Variants in DIP2B observed in about 807,000 individuals in gnomAD.
DIP2B encodes disco-interacting protein 2 homolog B.
DIP2B carries 76 observed loss-of-function variants against 198.0 expected under a neutral mutation model. The observed-to-expected ratio is 0.38, with a 90% CI of 0.32 to 0.46. The LOEUF is 0.46. Among genes scored for constraint, DIP2B ranks in the 20% least tolerant of loss-of-function variants. The pLI is 0.99. For missense variants in DIP2B, 1,559 were observed against 1,978.4 expected, an observed-to-expected ratio of 0.79 and a Z score of 4.02; for synonymous variants, 701 against 739.1, an observed-to-expected ratio of 0.95 and a Z score of 0.84.
chr12:50,570,585 C>G (rs1249219891), intron 1 of DIP2B, among the ~76,000 whole-genome samples: 5 of 152,166 alleles, frequency 3.3e-5, no homozygotes, highest in Non-Finnish European at 7.3e-5. Flanking sequence ...TGGCACATGC[C>G]TGTAATCCCA....
rs1209473808 is a variant in DIP2B at position 50,505,149 on chromosome 12, A to G, written c.9A>G (p.Glu3=). Residue 3 remains glutamate (E), a synonymous_variant, in exon 1 of 38, where the codon GAA becomes GAG. Coordinates refer to ENST00000301180, the MANE Select transcript of DIP2B (RefSeq NM_173602.3). MA[E]RGLEPSPAAV... ...TGGCTGGCGGAGCTGGGATGGCGGA[A>G]CGAGGCCTGGAGCCGTCGCCGGCCG... 3.9e-6 allele frequency: 6 copies of G among 1,529,366 alleles called. No homozygotes were observed. The highest frequency in any genetic ancestry group is 5.2e-6 in the Non-Finnish European group (6 of 1,143,364). 94.7% of individuals were successfully genotyped at this position (1,529,366 alleles called of 1,614,324 possible).
chr12:50,518,745 TTTTTTGTTTG>T (rs141820371), intron 1 of DIP2B, among the ~76,000 whole-genome samples: 88,483 of 151,284 alleles, frequency 0.58, 26,192 homozygotes, highest in South Asian at 0.71. Flanking sequence ...ACTTCTGTCT[TTTTTTGTTTG>T]TTTTTGTTTG....
At chr12:50,671,447 C>T (rs1938852970) in intron 5 of DIP2B, 49 bp downstream of exon 5, 2 of 1,578,248 alleles carry the variant, frequency 1.3e-6, no homozygotes, top group Admixed American at 1.7e-5. Context: ...CCATTTGGCT[C>T]CCAGTATCCA....
chr12:50,540,940 G>A (rs1471967958), intron 1 of DIP2B, among the ~76,000 whole-genome samples: 1 of 152,198 alleles, frequency 6.6e-6, no homozygotes, highest in Non-Finnish European at 1.5e-5. Flanking sequence ...AGGTAGCGCA[G>A]AATCTCTGGA....
chr12:50,607,722 A>G (rs1958995745), intron 1 of DIP2B, among the ~76,000 whole-genome samples: 1 of 152,252 alleles, frequency 6.6e-6, no homozygotes, highest in African/African-American at 2.4e-5. Context: ...TAGTACAGCA[A>G]GCTCTTAGTC....
intron 1 of DIP2B, among the ~76,000 whole-genome samples, chr12:50,556,593 G>T (rs1028392506): frequency 3.4e-5 from 5 of 147,488 alleles, no homozygotes; most frequent in Non-Finnish European, 6.0e-5. Context: ...TCGCCCTGTC[G>T]CCCAGGCTGG....
chr12:50,636,948 A>G (rs913514551), intron 2 of DIP2B, among the ~76,000 whole-genome samples: 10 of 152,164 alleles, frequency 6.6e-5, no homozygotes, highest in African/African-American at 2.4e-4. Flanking sequence ...TCCAGACACT[A>G]GCACTCTCGT....
chr12:50,647,138 C>T (rs911846587), intron 3 of DIP2B, among the ~76,000 whole-genome samples: 1 of 152,060 alleles, frequency 6.6e-6, no homozygotes, highest in African/African-American at 2.4e-5. Context: ...CTCCAACCTC[C>T]GCCTCCTGGG....
At chr12:50,518,612 T>A (rs1281653351) in intron 1 of DIP2B, among the ~76,000 whole-genome samples, 1 of 152,238 alleles carries the variant, frequency 6.6e-6, no homozygotes, top group East Asian at 1.9e-4. Context: ...TCTGTTTGGT[T>A]CTAAGCCCTG....
At chr12:50,643,242 G>C (rs929892447) in intron 3 of DIP2B, among the ~76,000 whole-genome samples, 1 of 152,124 alleles carries the variant, frequency 6.6e-6, no homozygotes, top group African/African-American at 2.4e-5. Flanking sequence ...GCTGTGATCT[G>C]TAGTCCCTGC....
At chr12:50,648,923 A>G (rs1026557456) in intron 3 of DIP2B, among the ~76,000 whole-genome samples, 6 of 152,224 alleles carry the variant, frequency 3.9e-5, no homozygotes, top group Non-Finnish European at 8.8e-5. Context: ...TCAGCAAGAT[A>G]TAAAGCGAGT....
At chr12:50,732,600 G>T in intron 32 of DIP2B, 64 bp downstream of exon 32, 1 of 1,581,944 alleles carries the variant, frequency 6.3e-7, no homozygotes, top group East Asian at 2.3e-5. Context: ...CCCAGAGCAT[G>T]GGCTTTGGAG....
intron 32 of DIP2B, 73 bp from the exon 33 acceptor site, chr12:50,734,058 AAATT>A: frequency 6.5e-7 from 1 of 1,532,798 alleles, no homozygotes; most frequent in Non-Finnish European, 9.0e-7. Context: ...GTATATGGCT[AAATT>A]ATTTCTTGGT....
At chr12:50,655,397 T>C (rs923519212) in intron 3 of DIP2B, among the ~76,000 whole-genome samples, 2 of 152,250 alleles carry the variant, frequency 1.3e-5, no homozygotes, top group African/African-American at 2.4e-5. Context: ...GCAGAAGTGA[T>C]TGTTCGGGTA....
At chr12:50,697,304 A>T in intron 17 of DIP2B, 129 bp downstream of exon 17, 1 of 761,024 alleles carries the variant, frequency 1.3e-6, no homozygotes, top group South Asian at 2.0e-5. Context: ...CATTTTTCCC[A>T]CTCTTGCTCA....
At chr12:50,634,745 A>G (rs776351986) in intron 2 of DIP2B, among the ~76,000 whole-genome samples, 12 of 152,018 alleles carry the variant, frequency 7.9e-5, no homozygotes, top group Non-Finnish European at 1.3e-4. Context: ...GAGGAACATT[A>G]TTTTTTATTT....
chr12:50,556,508 G>A (rs1958472496), intron 1 of DIP2B, among the ~76,000 whole-genome samples: 1 of 151,870 alleles, frequency 6.6e-6, no homozygotes, highest in South Asian at 2.1e-4. Flanking sequence ...CGTTTTACTG[G>A]GAGTTAGAAG....
chr12:50,509,578 A>G (rs1957996638), intron 1 of DIP2B, among the ~76,000 whole-genome samples: 1 of 152,232 alleles, frequency 6.6e-6, no homozygotes, highest in Admixed American at 6.5e-5. Context: ...TGTGGTCCTT[A>G]AAGCATGGCA....
intron 1 of DIP2B, among the ~76,000 whole-genome samples, chr12:50,506,085 TACA>T (rs1957966471): frequency 6.6e-6 from 1 of 152,290 alleles, no homozygotes; most frequent in African/African-American, 2.4e-5. Context: ...GAACTCCTTG[TACA>T]ACAATGAGAG....
Sources: allele counts gnomAD v4.1 joint callset (sites outside exome capture counted in the v4.1 genomes callset), GRCh38; gene constraint gnomAD v4.1.1; transcripts MANE v1.5; gene names NCBI Gene and HGNC (gene_info 2026-07-23, HGNC 2026-07-21).